LRRC69: variants seen among roughly 807,000 people sequenced by gnomAD.
LRRC69 encodes the protein leucine rich repeat containing 69, also known as leucine-rich repeat-containing protein 69.
In LRRC69, 42 loss-of-function variants were observed where a neutral mutation model predicts 37.8. That is an observed-to-expected ratio of 1.11 (90% CI 0.87 to 1.44). LRRC69 has a LOEUF of 1.44. Among genes scored for constraint, LRRC69 ranks in the 40% most tolerant of loss-of-function variants. The probability of loss-of-function intolerance (pLI) is 0.00; values close to 1 mark genes in which losing one functional copy is unlikely to be tolerated. For missense variants in LRRC69, 357 were observed against 401.9 expected, an observed-to-expected ratio of 0.89 and a Z score of 0.96; for synonymous variants, 141 against 143.1, an observed-to-expected ratio of 0.99 and a Z score of 0.11.
intron 7 of LRRC69, among the ~76,000 whole-genome samples, chr8:91,211,277 T>G (rs77935193): frequency 0.031 from 4,673 of 152,102 alleles, 200 homozygotes; most frequent in East Asian, 0.21. Context: ...TAATATCTAG[T>G]AAGTATATGA....
intron 6 of LRRC69, among the ~76,000 whole-genome samples, chr8:91,192,212 A>G (rs1296401174): frequency 3.9e-5 from 6 of 152,028 alleles, no homozygotes; most frequent in Non-Finnish European, 5.9e-5. Context: ...TCCATGGTGT[A>G]TATGTGCCAC....
At chr8:91,191,849 T>C (rs1809501529) in intron 6 of LRRC69, among the ~76,000 whole-genome samples, 1 of 152,174 alleles carries the variant, frequency 6.6e-6, no homozygotes, top group African/African-American at 2.4e-5. Context: ...ATTTTTTTTT[T>C]CTTTTATTAT....
At chr8:91,135,566 T>A (rs1479323710) in intron 4 of LRRC69, 102 bp from the exon 5 acceptor site, 1 of 682,498 alleles carries the variant, frequency 1.5e-6, no homozygotes, top group Non-Finnish European at 2.4e-6. Context: ...TTAGAAAAGA[T>A]GGCCACCTTC....
At chr8:91,165,968 T>G (rs1372690210) in intron 5 of LRRC69, among the ~76,000 whole-genome samples, 1 of 151,682 alleles carries the variant, frequency 6.6e-6, no homozygotes, top group Non-Finnish European at 1.5e-5. Context: ...CTTTTTTAGG[T>G]CATAATAGAG....
intron 7 of LRRC69, among the ~76,000 whole-genome samples, chr8:91,216,235 C>T (rs1158239039): frequency 6.6e-6 from 1 of 152,080 alleles, no homozygotes; most frequent in African/African-American, 2.4e-5. Context: ...CAATGTTTCC[C>T]CCAAGAAGGG....
At chr8:91,191,047 C>A (rs921448980) in intron 6 of LRRC69, among the ~76,000 whole-genome samples, 14 of 143,870 alleles carry the variant, frequency 9.7e-5, no homozygotes, top group South Asian at 9.7e-4. Flanking sequence ...TCAAACCCCC[C>A]CCCCCCCAAG....
At chr8:91,106,637 G>A (rs1391000552) in intron 1 of LRRC69, among the ~76,000 whole-genome samples, 1 of 151,982 alleles carries the variant, frequency 6.6e-6, no homozygotes, top group Non-Finnish European at 1.5e-5. Context: ...AGGTCTCCTT[G>A]GAGGTTGCTT....
intron 6 of LRRC69, among the ~76,000 whole-genome samples, chr8:91,191,328 T>A (rs904438510): frequency 1.3e-5 from 2 of 152,206 alleles, no homozygotes; most frequent in African/African-American, 4.8e-5. Context: ...TATTCCCTTA[T>A]AACTTATTTT....
chr8:91,159,098 G>A (rs1658481297), intron 5 of LRRC69, among the ~76,000 whole-genome samples: 1 of 151,140 alleles, frequency 6.6e-6, no homozygotes, highest in Non-Finnish European at 1.5e-5. Flanking sequence ...ACACTATTAA[G>A]GTTCATTGAA....
At chr8:91,149,471 T>G (rs573329602) in intron 5 of LRRC69, among the ~76,000 whole-genome samples, 3 of 152,180 alleles carry the variant, frequency 2.0e-5, no homozygotes, top group South Asian at 4.1e-4. Flanking sequence ...AGTACCATGC[T>G]GTTTTGGTTA....
At chr8:91,120,786 G>C (rs1181428768) in intron 1 of LRRC69, among the ~76,000 whole-genome samples, 2 of 152,028 alleles carry the variant, frequency 1.3e-5, no homozygotes, top group African/African-American at 4.8e-5. Context: ...TCCTCAGTCA[G>C]TTCCTCTGCT....
chr8:91,122,764 G>T (rs1813651203), intron 1 of LRRC69, among the ~76,000 whole-genome samples: 1 of 152,056 alleles, frequency 6.6e-6, no homozygotes, highest in Admixed American at 6.6e-5. Flanking sequence ...GCAAAAGAAT[G>T]AAATCTACCT....
chr8:91,205,636 A>C (rs1809791136), intron 7 of LRRC69: 1 of 152,118 alleles, frequency 6.6e-6, no homozygotes, highest in Admixed American at 6.5e-5. Context: ...AGTTTTTGAC[A>C]CTGCCAAGTA....
intron 2 of LRRC69, 88 bp downstream of exon 2, chr8:91,124,707 G>A (rs572787718): frequency 6.7e-6 from 8 of 1,185,590 alleles, no homozygotes; most frequent in Non-Finnish European, 9.2e-6. Context: ...AAAGAATTTT[G>A]CATGTTTAAT....
At chr8:91,124,669 A>G (rs756673783) in intron 2 of LRRC69, 50 bp downstream of exon 2, 14 of 1,412,256 alleles carry the variant, frequency 9.9e-6, no homozygotes, top group Middle Eastern at 2.2e-4. Context: ...TTAATCTCTC[A>G]TATTTAATAA....
intron 7 of LRRC69, among the ~76,000 whole-genome samples, chr8:91,202,985 T>C (rs902225153): frequency 4.6e-5 from 7 of 152,182 alleles, no homozygotes; most frequent in African/African-American, 1.4e-4. Flanking sequence ...TTCCAGGTTT[T>C]TTTGGCCTAC....
At chr8:91,202,405 T>C (rs975399950) in intron 7 of LRRC69, among the ~76,000 whole-genome samples, 1 of 152,182 alleles carries the variant, frequency 6.6e-6, no homozygotes, top group Non-Finnish European at 1.5e-5. Flanking sequence ...ATATGAATTT[T>C]GGCAGAAACA....
At chr8:91,218,846 T>G in intron 7 of LRRC69, 44 bp from the exon 8 acceptor site, 1 of 1,222,740 alleles carries the variant, frequency 8.2e-7, no homozygotes, top group Admixed American at 2.2e-5. Context: ...GAAAAATACT[T>G]ATTGAACACT....
intron 5 of LRRC69, among the ~76,000 whole-genome samples, chr8:91,181,357 G>T (rs1809321285): frequency 6.6e-6 from 1 of 152,068 alleles, no homozygotes; most frequent in Non-Finnish European, 1.5e-5. Flanking sequence ...ACCAAGGCAA[G>T]GTGGAATTAA....
Sources: gnomAD v4.1 joint callset for allele counts (sites outside exome capture counted in the v4.1 genomes callset) on GRCh38, gnomAD v4.1.1 for gene constraint, MANE v1.5 for transcripts, NCBI Gene and HGNC (gene_info 2026-07-23, HGNC 2026-07-21) for gene names.